The following TNFAIP8 variants were observed in gnomAD, a reference collection of about 807,000 sequenced individuals.
TNFAIP8 encodes TNF alpha induced protein 8.
TNFAIP8 carries 7 observed loss-of-function variants against 13.3 expected under a neutral mutation model. That is an observed-to-expected ratio of 0.52 (90% CI 0.30 to 0.99). TNFAIP8 has a LOEUF of 0.99. Among genes scored for constraint, TNFAIP8 ranks in the 50% least tolerant of loss-of-function variants. The pLI, the probability that TNFAIP8 is intolerant of heterozygous loss-of-function variation, is 0.07. For synonymous variants in TNFAIP8, 94 were observed against 87.6 expected, an observed-to-expected ratio of 1.07 and a Z score of -0.41; for missense variants, 258 against 236.9, an observed-to-expected ratio of 1.09 and a Z score of -0.58.
intron 1 of TNFAIP8, among the ~76,000 whole-genome samples, chr5:119,274,357 T>C (rs747129254): frequency 1.3e-5 from 2 of 152,256 alleles, no homozygotes; most frequent in Non-Finnish European, 2.9e-5. Context: ...CTTCACTCTT[T>C]AAAGGGTTGA....
chr5:119,334,068 CA>C (rs1447099250), intron 1 of TNFAIP8, among the ~76,000 whole-genome samples: 5 of 147,296 alleles, frequency 3.4e-5, no homozygotes, highest in African/African-American at 1.3e-4. Context: ...CCCGTAAACA[CA>C]AGGCTGTTTA....
intron 1 of TNFAIP8, among the ~76,000 whole-genome samples, chr5:119,347,821 A>T (rs1242277976): frequency 6.6e-6 from 1 of 152,214 alleles, no homozygotes; most frequent in African/African-American, 2.4e-5. Context: ...CTGCAAGCCT[A>T]TGTCAGCCTT....
chr5:119,380,054 G>A (rs563142954), intron 1 of TNFAIP8, among the ~76,000 whole-genome samples: 45 of 152,316 alleles, frequency 3.0e-4, no homozygotes, highest in African/African-American at 1.1e-3. Context: ...GAGCAGCTGT[G>A]TGCTATAGTA....
chr5:119,328,553 A>G (rs1215612528), intron 1 of TNFAIP8, among the ~76,000 whole-genome samples: 1 of 152,204 alleles, frequency 6.6e-6, no homozygotes, highest in Non-Finnish European at 1.5e-5. Context: ...AGATGAGAAG[A>G]CAGCAGAACT....
chr5:119,308,667 A>AGT (rs1448301260), intron 1 of TNFAIP8, among the ~76,000 whole-genome samples: 1 of 151,990 alleles, frequency 6.6e-6, no homozygotes, highest in Non-Finnish European at 1.5e-5. Context: ...GTTGAAGACC[A>AGT]GCCTTTCAGG....
chr5:119,288,768 G>A (rs1748893481), intron 1 of TNFAIP8, among the ~76,000 whole-genome samples: 1 of 152,206 alleles, frequency 6.6e-6, no homozygotes, highest in South Asian at 2.1e-4. Flanking sequence ...AATGAGGTGT[G>A]TTTAACATAT....
chr5:119,304,279 G>A (rs548693691), intron 1 of TNFAIP8, among the ~76,000 whole-genome samples: 13 of 152,064 alleles, frequency 8.5e-5, no homozygotes, highest in African/African-American at 2.7e-4. Flanking sequence ...GGCTAACCCA[G>A]CCTGAAATTC....
chr5:119,373,076 G>T (rs1256007660), intron 1 of TNFAIP8, among the ~76,000 whole-genome samples: 1 of 151,940 alleles, frequency 6.6e-6, no homozygotes. Flanking sequence ...GATTCTTCTT[G>T]GGTATGTATT....
intron 1 of TNFAIP8, among the ~76,000 whole-genome samples, chr5:119,365,592 ATTCTC>A (rs1751820306): frequency 6.6e-6 from 1 of 152,228 alleles, no homozygotes; most frequent in Admixed American, 6.5e-5. Flanking sequence ...CTCATTTCAT[ATTCTC>A]TAAAAAGCAG....
intron 1 of TNFAIP8, among the ~76,000 whole-genome samples, chr5:119,358,691 T>C (rs1393850896): frequency 6.6e-6 from 1 of 152,196 alleles, no homozygotes; most frequent in African/African-American, 2.4e-5. Flanking sequence ...CTGATAGCCG[T>C]GTATTTGGCA....
intron 1 of TNFAIP8, among the ~76,000 whole-genome samples, chr5:119,331,281 G>C (rs1750370425): frequency 6.7e-6 from 1 of 149,810 alleles, no homozygotes. Flanking sequence ...AGGTTTGACT[G>C]CTTCACAAAT....
intron 1 of TNFAIP8, among the ~76,000 whole-genome samples, chr5:119,317,490 C>G (rs1338689104): frequency 6.6e-6 from 1 of 151,276 alleles, no homozygotes; most frequent in Admixed American, 6.6e-5. Flanking sequence ...TTAATTGTAT[C>G]AAAATCAGTT....
intron 1 of TNFAIP8, among the ~76,000 whole-genome samples, chr5:119,318,135 T>C (rs981612560): frequency 6.6e-6 from 1 of 152,252 alleles, no homozygotes; most frequent in Non-Finnish European, 1.5e-5. Flanking sequence ...TCCCCAAAAC[T>C]GATCAAAGTA....
In TNFAIP8 at chr5:119,397,698, T is replaced by C. The variant is rs932121499; in HGVS notation, c.*4317T>C. The stretch of plus-strand genomic sequence containing the variant: ...AGCATTAACCAGAAAATGAGTCAGC[T>C]TTTTGTTTCCAAAATGATGCAACAG... On this transcript the variant is annotated 3_prime_UTR_variant, in exon 2 of 2. Coordinates refer to ENST00000504771, the MANE Select transcript of TNFAIP8 (RefSeq NM_014350.4). 1 of 152,230 alleles carries C rather than the reference T, an allele frequency of 6.6e-6. No individual in the cohort carries two copies. Among genetic ancestry groups the C allele is most frequent in the African/African-American group, 2.4e-5 (1 of 41,458 alleles). 9.4% of individuals were successfully genotyped at this position (152,230 alleles called of 1,614,324 possible).
chr5:119,379,658 T>G (rs1752412111), intron 1 of TNFAIP8, among the ~76,000 whole-genome samples: 1 of 152,186 alleles, frequency 6.6e-6, no homozygotes. Context: ...TGGCGTGATC[T>G]GAGTTCACTG....
chr5:119,389,476 T>C (rs1408807628), intron 1 of TNFAIP8, among the ~76,000 whole-genome samples: 1 of 152,130 alleles, frequency 6.6e-6, no homozygotes, highest in Non-Finnish European at 1.5e-5. Context: ...CACCAGACTT[T>C]TAAGGGATCT....
At chr5:119,334,624 CGTGTGTGTGTGTGTGTGTGT>C in intron 1 of TNFAIP8, among the ~76,000 whole-genome samples, 1 of 135,804 alleles carries the variant, frequency 7.4e-6, no homozygotes, top group South Asian at 2.6e-4. Flanking sequence ...GTGATCCTTT[CGTGTGTGTGTGTGTGTGTGT>C]GTGTGTGTGT....
intron 1 of TNFAIP8, among the ~76,000 whole-genome samples, chr5:119,325,082 A>T (rs991735980): frequency 3.9e-5 from 6 of 152,068 alleles, no homozygotes; most frequent in Non-Finnish European, 7.4e-5. Flanking sequence ...AAAATAAAAA[A>T]TAAAAAAAAA....
intron 1 of TNFAIP8, among the ~76,000 whole-genome samples, chr5:119,332,757 T>A (rs1436243230): frequency 6.6e-6 from 1 of 152,194 alleles, no homozygotes; most frequent in Non-Finnish European, 1.5e-5. Context: ...GATTTGTGGG[T>A]GGCAATGACT....
Sources: gnomAD v4.1 joint callset for allele counts (sites outside exome capture counted in the v4.1 genomes callset) on GRCh38, gnomAD v4.1.1 for gene constraint, MANE v1.5 for transcripts, NCBI Gene and HGNC (gene_info 2026-07-23, HGNC 2026-07-21) for gene names.